CNTNAP2: variants seen among roughly 807,000 people sequenced by gnomAD.
CNTNAP2 encodes contactin associated protein 2, also known as contactin-associated protein-like 2.
CNTNAP2 carries 98 observed loss-of-function variants against 155.2 expected under a neutral mutation model. The ratio of observed to expected loss-of-function variants is 0.63; its 90% confidence interval spans 0.54 to 0.75. The LOEUF is 0.75. CNTNAP2 is among the 30% of genes least tolerant of loss of function. The pLI is 0.00. For synonymous variants in CNTNAP2, 651 were observed against 631.2 expected, an observed-to-expected ratio of 1.03 and a Z score of -0.47; for missense variants, 1,727 against 1,688.1, an observed-to-expected ratio of 1.02 and a Z score of -0.40.
intron 9 of CNTNAP2, among the ~76,000 whole-genome samples, chr7:147,377,829 C>A (rs191233032): frequency 1.8e-4 from 28 of 151,752 alleles, no homozygotes; most frequent in African/African-American, 6.3e-4. Context: ...CTCTTTTCTC[C>A]CTTGCTACTT....
rs545591145 is a variant in CNTNAP2 at position 148,167,202 on chromosome 7, T to A, written c.2774-5040T>A. On this transcript the variant is annotated intron_variant, in intron 17 of 23. Transcript: ENST00000361727. ...TTGCCCAGGCTGGAGTGCAATGGCA[T>A]GATCTCGGCTCACTGCAACCTCTGC... 3.9e-5 allele frequency among the ~76,000 whole-genome samples: 6 copies of A among 152,274 alleles called. No homozygotes were observed. The East Asian group carries it at 9.7e-4, about 25-fold the overall frequency.
At chr7:148,091,642 G>A (rs939427957) in intron 15 of CNTNAP2, among the ~76,000 whole-genome samples, 1 of 152,162 alleles carries the variant, frequency 6.6e-6, no homozygotes, top group Non-Finnish European at 1.5e-5. Flanking sequence ...AACATCCAAA[G>A]CTGAGAAGTA....
intron 1 of CNTNAP2, among the ~76,000 whole-genome samples, chr7:146,362,898 G>A (rs1795103552): frequency 6.7e-6 from 1 of 150,372 alleles, no homozygotes; most frequent in Non-Finnish European, 1.5e-5. Flanking sequence ...AGCCTCCCAA[G>A]TAGCTGGGAC....
intron 15 of CNTNAP2, among the ~76,000 whole-genome samples, chr7:147,982,378 T>C (rs1400032144): frequency 6.6e-6 from 1 of 152,178 alleles, no homozygotes; most frequent in African/African-American, 2.4e-5. Context: ...CAAGGGCTTC[T>C]TCCAAGGCCA....
At chr7:148,123,465 A>C (rs1241235246) in intron 16 of CNTNAP2, among the ~76,000 whole-genome samples, 1 of 152,016 alleles carries the variant, frequency 6.6e-6, no homozygotes, top group African/African-American at 2.4e-5. Flanking sequence ...GGTTGGCTGC[A>C]CCTGTAGTCC....
At chr7:147,827,852 A>C (rs73166231) in intron 13 of CNTNAP2, among the ~76,000 whole-genome samples, 1,709 of 152,274 alleles carry the variant, frequency 0.011, 19 homozygotes, top group Non-Finnish European at 0.018. Context: ...CCCATCATTT[A>C]TTTAATCAAA....
chr7:147,021,154 C>T (rs1026000347), intron 3 of CNTNAP2, among the ~76,000 whole-genome samples: 1 of 152,038 alleles, frequency 6.6e-6, no homozygotes, highest in Non-Finnish European at 1.5e-5. Context: ...AGAATGTGGC[C>T]CAACACCAAT....
intron 12 of CNTNAP2, among the ~76,000 whole-genome samples, chr7:147,578,858 TGCC>T (rs1037009894): frequency 4.1e-5 from 6 of 146,510 alleles, no homozygotes; most frequent in African/African-American, 1.7e-4. Flanking sequence ...TTCCGTCTTT[TGCC>T]TTCTCTAAGC....
In CNTNAP2 at chr7:147,387,026, A is replaced by G. The variant is rs146976557; in HGVS notation, c.1499-8583A>G. Reference sequence around the variant, plus strand: ...AGAGAACTTGTGCAGGGAAACTCCCATTTTTAAAACCATCAGATCTCGTGA... The same window carrying G: ...AGAGAACTTGTGCAGGGAAACTCCCGTTTTTAAAACCATCAGATCTCGTGA... On this transcript the variant is annotated intron_variant, in intron 9 of 23. Transcript: ENST00000361727. Among the ~76,000 whole-genome samples the G allele has an allele frequency of 6.6e-3, 1,008 of 152,210 alleles. 11 individuals are homozygous for G. The highest frequency in any genetic ancestry group is 0.023 in the African/African-American group (946 of 41,524).
At chr7:147,573,785 G>T (rs1800339659) in intron 12 of CNTNAP2, among the ~76,000 whole-genome samples, 1 of 152,096 alleles carries the variant, frequency 6.6e-6, no homozygotes, top group Admixed American at 6.6e-5. Flanking sequence ...ATTTATCCAA[G>T]AATGTCTTCA....
intron 1 of CNTNAP2, among the ~76,000 whole-genome samples, chr7:146,507,596 A>C (rs1414952821): frequency 6.6e-6 from 1 of 152,154 alleles, no homozygotes; most frequent in Non-Finnish European, 1.5e-5. Flanking sequence ...GATATGCCTG[A>C]ATTTTATTAA....
At position 147,083,845 on chromosome 7, in the gene CNTNAP2, TTATATACATATACACA is replaced by T. The variant is rs1426448177; in HGVS notation, c.551-24300_551-24285del. 5.3e-4 allele frequency among the ~76,000 whole-genome samples: 75 copies of T among 141,146 alleles called. 2 individuals carry two copies. Among genetic ancestry groups the T allele is most frequent in the Non-Finnish European group, 1.5e-4 (10 of 66,550 alleles). The allele number at this position is 141,146 out of a possible 152,430, so 92.6% of individuals were successfully genotyped here. On this transcript the variant is annotated intron_variant, in intron 4 of 23. Coordinates refer to ENST00000361727, the MANE Select transcript of CNTNAP2 (RefSeq NM_014141.6). Reference sequence around the variant, plus strand: ...ATACATATACACATGTATGTACATATTATATACATATACACATGTATGTACATATTATATACATATA... The same window carrying T: ...ATACATATACACATGTATGTACATATTGTATGTACATATTATATACATATA...
At chr7:147,288,731 T>C (rs73742518) in intron 8 of CNTNAP2, among the ~76,000 whole-genome samples, 9,005 of 152,300 alleles carry the variant, frequency 0.059, 365 homozygotes, top group African/African-American at 0.12. Context: ...TTTTGGGTTT[T>C]CCAAGTTTTT....
chr7:147,043,313 G>C (rs1235000394), intron 3 of CNTNAP2, among the ~76,000 whole-genome samples: 2 of 151,924 alleles, frequency 1.3e-5, no homozygotes, highest in Admixed American at 1.3e-4. Context: ...TTCAGTATCA[G>C]ATAAAAATTC....
intron 13 of CNTNAP2, among the ~76,000 whole-genome samples, chr7:147,697,277 A>T (rs1337225403): frequency 6.6e-6 from 1 of 152,162 alleles, no homozygotes; most frequent in African/African-American, 2.4e-5. Flanking sequence ...TCGCTCTGAC[A>T]TGTCTTTTTT....
At chr7:148,011,682 C>T (rs945002773) in intron 15 of CNTNAP2, among the ~76,000 whole-genome samples, 4 of 152,166 alleles carry the variant, frequency 2.6e-5, no homozygotes, top group African/African-American at 9.7e-5. Context: ...GATACATAAT[C>T]TAGGTTGGGT....
At position 147,521,744 on chromosome 7, in the gene CNTNAP2, T is replaced by C. The variant is rs1799232280; in HGVS notation, c.1777+35703T>C. ...GAGGAATATAGAGAGAGGCCCAAAG[T>C]CACCTTGGCTAAAGTCCCTCTGTGT... On this transcript the variant is annotated intron_variant, in intron 11 of 23. Coordinates refer to ENST00000361727, the MANE Select transcript of CNTNAP2 (RefSeq NM_014141.6). Among the ~76,000 whole-genome samples, 3 of 152,128 alleles carry C rather than the reference T, an allele frequency of 2.0e-5. No individual in the cohort carries two copies. In the South Asian group the frequency reaches 6.2e-4, roughly 32 times the overall value.
At chr7:148,333,240 C>T (rs549215668) in intron 21 of CNTNAP2, among the ~76,000 whole-genome samples, 22 of 152,228 alleles carry the variant, frequency 1.4e-4, no homozygotes, top group African/African-American at 4.3e-4. Flanking sequence ...CCAGCCTGGC[C>T]GACATGGCAA....
At chr7:147,260,550 A>G (rs1409713969) in intron 8 of CNTNAP2, among the ~76,000 whole-genome samples, 1 of 152,212 alleles carries the variant, frequency 6.6e-6, no homozygotes, top group Non-Finnish European at 1.5e-5. Context: ...TGGAAATTAA[A>G]TGTGTACTAT....
Sources: gnomAD v4.1 joint callset for allele counts (sites outside exome capture counted in the v4.1 genomes callset) on GRCh38, gnomAD v4.1.1 for gene constraint, MANE v1.5 for transcripts, NCBI Gene and HGNC (gene_info 2026-07-23, HGNC 2026-07-21) for gene names.